RUNX3: variants seen among roughly 807,000 people sequenced by gnomAD.
RUNX3 encodes the protein runt-related transcription factor 3.
RUNX3 carries 10 observed loss-of-function variants against 27.7 expected under a neutral mutation model. The observed-to-expected ratio is 0.36, with a 90% CI of 0.22 to 0.61. The LOEUF is 0.61. Ranked by LOEUF, RUNX3 falls within the 20% of genes least tolerant of loss-of-function variation. The pLI is 0.72. For synonymous variants in RUNX3, 270 were observed against 269.2 expected, an observed-to-expected ratio of 1.00 and a Z score of -0.03; for missense variants, 469 against 629.5, an observed-to-expected ratio of 0.75 and a Z score of 2.73.
At chr1:24,945,718 A>T (rs1247839768) in intron 2 of RUNX3, among the ~76,000 whole-genome samples, 2 of 152,112 alleles carry the variant, frequency 1.3e-5, no homozygotes, top group African/African-American at 4.8e-5. Context: ...AACACTGTGG[A>T]TCCTCTCTCT....
intron 1 of RUNX3, chr1:24,929,380 G>A (rs955853595): frequency 4.8e-5 from 34 of 705,750 alleles, no homozygotes; most frequent in Non-Finnish European, 8.7e-5. Context: ...GGGCAACCCC[G>A]TTAAAAGTCA....
chr1:24,948,184 G>A (rs1349362497), intron 2 of RUNX3, among the ~76,000 whole-genome samples: 1 of 152,230 alleles, frequency 6.6e-6, no homozygotes, highest in Admixed American at 6.5e-5. Context: ...GGATTTCCTG[G>A]CCAGAGATAA....
intron 2 of RUNX3, among the ~76,000 whole-genome samples, chr1:24,926,101 C>G (rs561660463): frequency 6.6e-6 from 1 of 152,170 alleles, no homozygotes; most frequent in African/African-American, 2.4e-5. Flanking sequence ...ACCTTCTGCC[C>G]GCCTCGCAAC....
rs1194239796 is a variant in RUNX3, at chr1:24,930,054, C to A, written c.-186G>T. 7.1e-6 allele frequency: 7 copies of A among 980,616 alleles called. No homozygotes were observed. The African/African-American group carries it at 1.2e-4, about 17-fold the overall frequency. The allele number at this position is 980,616 out of a possible 1,614,324, so 60.7% of individuals were successfully genotyped here. A position where few individuals can be genotyped will look rare whatever the true frequency, so the allele number is the denominator to read the frequency against. ...TCGCCAGGGCCCGCCCGCTGCGAGG[C>A]CTCGCTGGCCCGACGGCCGCCCGCA... On this transcript the variant is annotated 5_prime_UTR_variant, in exon 1 of 5. Transcript: ENST00000308873. The surrounding 1 kb of genome is among the most constrained non-coding windows in gnomAD (Gnocchi z 4.1).
At chr1:24,948,669 G>A (rs559293599) in intron 2 of RUNX3, among the ~76,000 whole-genome samples, 2 of 151,764 alleles carry the variant, frequency 1.3e-5, no homozygotes, top group South Asian at 2.1e-4. Context: ...TGCATGTGGG[G>A]GGTGCGTGCA....
At chr1:24,929,411 A>C (rs1209782342) in intron 1 of RUNX3, 176 bp downstream of exon 1, 3 of 734,364 alleles carry the variant, frequency 4.1e-6, no homozygotes, top group Non-Finnish European at 7.2e-6. Context: ...GCGCATCCAA[A>C]ACGGAACGCC....
chr1:24,964,789 T>A, intron 1 of RUNX3: 1 of 1,224,428 alleles, frequency 8.2e-7, no homozygotes, highest in Non-Finnish European at 1.1e-6. Context: ...TGTGTGTGAG[T>A]GAGAGAGAGA....
intron 1 of RUNX3, 89 bp downstream of exon 1, chr1:24,929,498 T>C: frequency 7.6e-7 from 1 of 1,308,708 alleles, no homozygotes; most frequent in Non-Finnish European, 1.1e-6. Flanking sequence ...GCACCTCCCA[T>C]CCCCACTGCT....
upstream of RUNX3, chr1:24,930,303 A>G (rs1184132592): frequency 1.1e-6 from 1 of 918,570 alleles, no homozygotes; most frequent in Non-Finnish European, 1.3e-6. This position sits in a 1 kb window ranked among gnomAD's most constrained non-coding sequence, Gnocchi z 4.1. Context: ...GCGCGGGGTT[A>G]GTACCCCCGG....
Position 24,927,825 on chromosome 1 carries a change from C to T in RUNX3, c.283-95G>A, listed in dbSNP as rs1043092544. 2.6e-5 allele frequency: 28 copies of T among 1,086,220 alleles called. No homozygotes were observed. Among genetic ancestry groups the T allele is most frequent in the South Asian group, 1.2e-4 (9 of 75,752 alleles). 67.3% of individuals were successfully genotyped at this position (1,086,220 alleles called of 1,614,324 possible). ...GGAGGGGCTGGGCTGGGCAGCTCCC[C>T]CAGGTCCCAGGCACACTGAGTATTT... On this transcript the variant is annotated intron_variant, in intron 1 of 4. Coordinates refer to ENST00000308873, the MANE Select transcript of RUNX3 (RefSeq NM_004350.3). This position sits in a 1 kb window ranked among gnomAD's most constrained non-coding sequence, Gnocchi z 5.0.
chr1:24,937,157 T>C (rs1236783537), intron 2 of RUNX3, among the ~76,000 whole-genome samples: 1 of 152,054 alleles, frequency 6.6e-6, no homozygotes, highest in Non-Finnish European at 1.5e-5. Context: ...AGCCTCAGCT[T>C]CTCCACCTGA....
intron 2 of RUNX3, among the ~76,000 whole-genome samples, chr1:24,921,538 AG>A (rs992820181): frequency 2.6e-5 from 4 of 152,192 alleles, no homozygotes; most frequent in African/African-American, 9.6e-5. Context: ...CTCAGGTCAC[AG>A]GGGCCACTTT....
rs1641035626 is a variant in RUNX3, at chr1:24,923,287, G to C, written c.440-3943C>G. Among the ~76,000 whole-genome samples the C allele has an allele frequency of 6.6e-6, 1 of 152,150 alleles. No individual in the cohort carries two copies. The highest frequency in any genetic ancestry group is 1.5e-5 in the Non-Finnish European group (1 of 68,024). On this transcript the variant is annotated intron_variant, in intron 2 of 4. Transcript: ENST00000308873. This position sits in a 1 kb window ranked among gnomAD's most constrained non-coding sequence, Gnocchi z 5.9. Reference sequence around the variant, plus strand: ...GGAGGGGCAGGAGTCCTGGACCTCGGGAGACAGGGAGCCTGGGGAGCAGGG... The same window carrying C: ...GGAGGGGCAGGAGTCCTGGACCTCGCGAGACAGGGAGCCTGGGGAGCAGGG...
intron 4 of RUNX3, among the ~76,000 whole-genome samples, chr1:24,906,558 AT>A (rs1297488115): frequency 6.6e-6 from 1 of 152,170 alleles, no homozygotes; most frequent in African/African-American, 2.4e-5. Flanking sequence ...AGCGGCTACT[AT>A]GCGCCAGGCA....
chr1:24,911,009 C>T (rs1162111611), intron 3 of RUNX3, among the ~76,000 whole-genome samples: 1 of 152,196 alleles, frequency 6.6e-6, no homozygotes. Flanking sequence ...GAGGGCAGGC[C>T]CAGTACGGCC....
In RUNX3 at chr1:24,902,056, G is replaced by A. The variant is rs2230619; in HGVS notation, c.*66C>T. ...CATTCCCGCCCGGAGCCTCGGAGCC[G>A]GCCCATCACTGGTCTTGAAGGTTGT... is the stretch of plus-strand genomic sequence containing the variant. On this transcript the variant is annotated 3_prime_UTR_variant, in exon 5 of 5. Coordinates refer to ENST00000308873, the MANE Select transcript of RUNX3 (RefSeq NM_004350.3). The surrounding 1 kb of genome is among the most constrained non-coding windows in gnomAD (Gnocchi z 9.2). The A allele has an allele frequency of 1.3e-4, 183 of 1,396,268 alleles. No homozygotes were observed. The highest frequency in any genetic ancestry group is 1.2e-3 in the African/African-American group (84 of 69,530). The allele number at this position is 1,396,268 out of a possible 1,614,324, so 86.5% of individuals were successfully genotyped here.
chr1:24,963,553 T>C (rs1642175498), intron 2 of RUNX3, among the ~76,000 whole-genome samples: 2 of 152,176 alleles, frequency 1.3e-5, no homozygotes, highest in South Asian at 2.1e-4. Context: ...GGGACTCTAT[T>C]TGGGGCACAG....
At chr1:24,929,137 T>A (rs1235234485) in intron 1 of RUNX3, 1 of 463,400 alleles carries the variant, frequency 2.2e-6, no homozygotes. Flanking sequence ...CCCGAGGGTG[T>A]GAGCAGGAAG....
chr1:24,938,689 G>T (rs1641404537), intron 2 of RUNX3, among the ~76,000 whole-genome samples: 2 of 152,326 alleles, frequency 1.3e-5, no homozygotes, highest in Admixed American at 1.3e-4. Context: ...GCAGTGGGGG[G>T]CCTTTCGGGA....
Sources: allele counts gnomAD v4.1 joint callset (sites outside exome capture counted in the v4.1 genomes callset), GRCh38; gene constraint gnomAD v4.1.1; non-coding constraint Gnocchi (gnomAD v3.1); transcripts MANE v1.5; gene names NCBI Gene and HGNC (gene_info 2026-07-23, HGNC 2026-07-21).